Variants in HORMAD2 observed in about 807,000 individuals in gnomAD.
The protein encoded by HORMAD2 is HORMA domain containing 2.
Under a neutral mutation model 38.8 loss-of-function variants are expected in HORMAD2, and 45 were observed. That is an observed-to-expected ratio of 1.16 (90% confidence interval 0.91 to 1.49). The LOEUF is 1.49. HORMAD2 is among the 40% of genes most tolerant of loss of function. HORMAD2 has a pLI of 0.00. For synonymous variants in HORMAD2, 126 were observed against 122.8 expected, an observed-to-expected ratio of 1.03 and a Z score of -0.17; for missense variants, 338 against 367.0, an observed-to-expected ratio of 0.92 and a Z score of 0.65.
At chr22:30,187,297 G>A in the HORMAD2 span, among the ~76,000 whole-genome samples, 1 of 152,114 alleles carries the variant, frequency 6.6e-6, no homozygotes, top group African/African-American at 2.4e-5. Context: ...GGAAACTGAG[G>A]CACAGAGAAA....
chr22:30,190,857 G>A, the HORMAD2 span, among the ~76,000 whole-genome samples: 2 of 152,224 alleles, frequency 1.3e-5, no homozygotes, highest in Non-Finnish European at 2.9e-5. Context: ...CCTGAGCTCT[G>A]AATGTCCTAT....
the HORMAD2 span, among the ~76,000 whole-genome samples, chr22:30,194,037 T>C: frequency 0.84 from 127,869 of 152,156 alleles, 54,127 homozygotes; most frequent in Middle Eastern, 0.94. Flanking sequence ...GCCCCTTGCC[T>C]GCTTGGATCA....
At chr22:30,180,733 CT>C (rs941825339), downstream of HORMAD2, among the ~76,000 whole-genome samples, 7 of 152,070 alleles carry the variant, frequency 4.6e-5, no homozygotes, top group Non-Finnish European at 7.4e-5. Flanking sequence ...TCCACTTTGT[CT>C]CCAGGAACTT....
chr22:30,096,101 C>T lies in HORMAD2; in HGVS notation c.51+2098C>T, dbSNP rs533171350. On this transcript the variant is annotated intron_variant, in intron 2 of 10. Coordinates refer to ENST00000336726, the MANE Select transcript of HORMAD2 (RefSeq NM_152510.4). ...TTGTGTGTGAGAGTCATCTATATTA[C>T]TCAGTATAGTTACAGATCATTCATT... Among the ~76,000 whole-genome samples, 8 of 152,258 alleles carry T rather than the reference C, an allele frequency of 5.3e-5. No individual in the cohort carries two copies. The East Asian group carries it at 1.5e-3, about 29-fold the overall frequency.
the HORMAD2 span, among the ~76,000 whole-genome samples, chr22:30,205,968 C>T: frequency 6.6e-6 from 1 of 152,148 alleles, no homozygotes; most frequent in Admixed American, 6.5e-5. Flanking sequence ...ATGACACACT[C>T]GCCTGCCCAC....
chr22:30,098,737 A>G, intron 2 of HORMAD2, 115 bp from the exon 3 acceptor site: 2 of 851,478 alleles, frequency 2.3e-6, no homozygotes, highest in Non-Finnish European at 3.4e-6. Flanking sequence ...GATTACCTTC[A>G]AAGATATCAA....
chr22:30,140,741 A>G (rs1343364225), intron 10 of HORMAD2, among the ~76,000 whole-genome samples: 1 of 152,158 alleles, frequency 6.6e-6, no homozygotes, highest in Admixed American at 6.5e-5. Context: ...CTTTGGATTC[A>G]CTGATTGTCA....
At chr22:30,092,762 T>C (rs2068714241) in intron 1 of HORMAD2, among the ~76,000 whole-genome samples, 1 of 152,204 alleles carries the variant, frequency 6.6e-6, no homozygotes, top group Non-Finnish European at 1.5e-5. Flanking sequence ...CCCCAATGTA[T>C]GTTCTTGGTG....
intron 1 of HORMAD2, among the ~76,000 whole-genome samples, chr22:30,085,336 G>A (rs1277834913): frequency 6.6e-6 from 1 of 152,134 alleles, no homozygotes; most frequent in Non-Finnish European, 1.5e-5. Context: ...TGATGAAAAT[G>A]TTCTGGAATT....
At chr22:30,083,353 G>A (rs1374461197) in intron 1 of HORMAD2, among the ~76,000 whole-genome samples, 4 of 152,106 alleles carry the variant, frequency 2.6e-5, no homozygotes, top group Admixed American at 2.6e-4. Flanking sequence ...ATAAGAGAAT[G>A]ACATTGCAAA....
At chr22:30,123,159 C>T (rs756103864) in intron 10 of HORMAD2, among the ~76,000 whole-genome samples, 90 of 152,120 alleles carry the variant, frequency 5.9e-4, no homozygotes, top group Admixed American at 1.2e-3. Flanking sequence ...TATAACCAAA[C>T]AAGTAACAGA....
chr22:30,155,384 C>T (rs1925006466), intron 10 of HORMAD2, among the ~76,000 whole-genome samples: 2 of 152,072 alleles, frequency 1.3e-5, no homozygotes, highest in Non-Finnish European at 2.9e-5. Flanking sequence ...TTATCTGTTA[C>T]TATCATTATT....
At chr22:30,183,196 G>A in the HORMAD2 span, among the ~76,000 whole-genome samples, 1 of 152,192 alleles carries the variant, frequency 6.6e-6, no homozygotes, top group Admixed American at 6.5e-5. Context: ...GGAGACTATT[G>A]CATTAATACA....
chr22:30,156,702 C>A (rs537261068), intron 10 of HORMAD2, among the ~76,000 whole-genome samples: 1 of 152,212 alleles, frequency 6.6e-6, no homozygotes, highest in African/African-American at 2.4e-5. Flanking sequence ...TTTTGCAAGG[C>A]AATATCTACA....
At chr22:30,131,478 G>A (rs1196121186) in intron 10 of HORMAD2, among the ~76,000 whole-genome samples, 1 of 152,082 alleles carries the variant, frequency 6.6e-6, no homozygotes, top group Non-Finnish European at 1.5e-5. Flanking sequence ...TTTGTAACTA[G>A]AAATCTTGAT....
the HORMAD2 span, among the ~76,000 whole-genome samples, chr22:30,198,327 G>A: frequency 6.6e-6 from 1 of 152,158 alleles, no homozygotes; most frequent in Non-Finnish European, 1.5e-5. Context: ...TTTGCACCAG[G>A]TCAGGTATAA....
At chr22:30,082,953 G>T (rs1322628832) in intron 1 of HORMAD2, among the ~76,000 whole-genome samples, 2 of 152,126 alleles carry the variant, frequency 1.3e-5, no homozygotes, top group Non-Finnish European at 2.9e-5. Flanking sequence ...CATAATCCTT[G>T]TCACAAAGTA....
In HORMAD2 at chr22:30,082,547, T is replaced by C. The variant is rs534254393; in HGVS notation, c.-38+2056T>C. 1.3e-3 allele frequency among the ~76,000 whole-genome samples: 194 copies of C among 151,894 alleles called. 1 individual carries two copies. The highest frequency in any genetic ancestry group is 4.6e-3 in the African/African-American group (190 of 41,402). On this transcript the variant is annotated intron_variant, in intron 1 of 10. Transcript: ENST00000336726. Reference sequence around the variant, plus strand: ...GTCTCATATGTGTAATCCCAAAACTTTGAGAGGCCAAGAGTTCGAGGCCAG... The same window carrying C: ...GTCTCATATGTGTAATCCCAAAACTCTGAGAGGCCAAGAGTTCGAGGCCAG...
At chr22:30,155,470 T>A (rs969121762) in intron 10 of HORMAD2, among the ~76,000 whole-genome samples, 1 of 152,130 alleles carries the variant, frequency 6.6e-6, no homozygotes, top group African/African-American at 2.4e-5. Flanking sequence ...CTTTGACATG[T>A]CCCTCTAATT....
Sources: allele counts gnomAD v4.1 joint callset (sites outside exome capture counted in the v4.1 genomes callset), GRCh38; gene constraint gnomAD v4.1.1; transcripts MANE v1.5; gene names NCBI Gene and HGNC (gene_info 2026-07-23, HGNC 2026-07-21).